EDA: variants seen among roughly 807,000 people sequenced by gnomAD.
The protein encoded by EDA is ectodysplasin-A.
Under a neutral mutation model 23.6 loss-of-function variants are expected in EDA, and 2 were observed. The ratio of observed to expected loss-of-function variants is 0.08; its 90% CI spans 0.03 to 0.27. The LOEUF is 0.27. Ranked by LOEUF, EDA falls within the 10% of genes least tolerant of loss-of-function variation. EDA has a pLI of 1.00. For missense variants in EDA, 229 were observed against 324.2 expected (o/e 0.71, Z 2.26); for synonymous variants, 131 against 132.0 (o/e 0.99, Z 0.05).
intron 1 of EDA, among the ~76,000 whole-genome samples, chrX:69,667,991 C>T (rs918611752): frequency 1.8e-5 from 2 of 112,312 alleles, no homozygotes; most frequent in African/African-American, 6.5e-5. Context: ...ATTACCTAGT[C>T]ATCTCTTGTT....
chrX:69,919,513 G>T (rs147013525), intron 1 of EDA, among the ~76,000 whole-genome samples: 108 of 111,712 alleles, frequency 9.7e-4, no homozygotes, highest in African/African-American at 3.4e-3. Context: ...CAACAGTCTT[G>T]CTTTTTACAT....
At chrX:69,787,690 G>A (rs1187023539) in intron 1 of EDA, among the ~76,000 whole-genome samples, 1 of 111,136 alleles carries the variant, frequency 9.0e-6, no homozygotes, top group Non-Finnish European at 1.9e-5. Flanking sequence ...TCCCTTTGAG[G>A]GTAACCTGAC....
intron 1 of EDA, among the ~76,000 whole-genome samples, chrX:69,786,318 T>C (rs1310678634): frequency 9.3e-5 from 10 of 107,824 alleles, no homozygotes; most frequent in East Asian, 2.9e-4. Flanking sequence ...TTAGTTATTT[T>C]TTGCCTTCTG....
chrX:69,770,820 A>G (rs2014611551), intron 1 of EDA, among the ~76,000 whole-genome samples: 1 of 89,068 alleles, frequency 1.1e-5, no homozygotes, highest in African/African-American at 3.6e-5. Flanking sequence ...CTATTTGCTC[A>G]TATTTTTTTT....
chrX:70,023,065 G>T, intron 2 of EDA, 153 bp from the exon 3 acceptor site: 1 of 348,024 alleles, frequency 2.9e-6, no homozygotes, highest in Non-Finnish European at 5.2e-6. Context: ...GGGGAGGTTT[G>T]ATAGTTGGAT....
chrX:69,825,297 G>T (rs1343505888), intron 1 of EDA, among the ~76,000 whole-genome samples: 3 of 98,788 alleles, frequency 3.0e-5, no homozygotes, highest in Admixed American at 1.1e-4. Context: ...TTGTACCTCT[G>T]GTAGAATTCG....
At chrX:69,836,142 C>T (rs1419456975) in intron 1 of EDA, among the ~76,000 whole-genome samples, 2 of 112,088 alleles carry the variant, frequency 1.8e-5, no homozygotes, top group African/African-American at 6.5e-5. Flanking sequence ...TATGAGGTGT[C>T]TATCAGCACC....
At chrX:69,980,054 T>C (rs1271222141) in intron 2 of EDA, among the ~76,000 whole-genome samples, 1 of 111,694 alleles carries the variant, frequency 9.0e-6, no homozygotes, top group African/African-American at 3.3e-5. Flanking sequence ...ACTGAGATTT[T>C]ATATCAGTCA....
At chrX:69,682,338 G>T (rs991025423) in intron 1 of EDA, among the ~76,000 whole-genome samples, 1 of 112,645 alleles carries the variant, frequency 8.9e-6, no homozygotes. Flanking sequence ...TTGAGCTGTG[G>T]TGGGCTCCAC....
At chrX:70,030,651 C>T in intron 6 of EDA, 131 bp downstream of exon 6, 1 of 601,373 alleles carries the variant, frequency 1.7e-6, no homozygotes, top group Non-Finnish European at 2.7e-6. Flanking sequence ...TCATTCTTTG[C>T]TCCATCATGC....
At chrX:69,731,527 C>T (rs1214448753) in intron 1 of EDA, among the ~76,000 whole-genome samples, 4 of 109,709 alleles carry the variant, frequency 3.6e-5, no homozygotes, top group Admixed American at 2.0e-4. Flanking sequence ...CTGCAACCTC[C>T]GCCTCCCGGG....
At chrX:69,767,235 G>C (rs146260793) in intron 1 of EDA, among the ~76,000 whole-genome samples, 18 of 111,266 alleles carry the variant, frequency 1.6e-4, no homozygotes, top group African/African-American at 5.6e-4. Context: ...TTTTATTGAA[G>C]TATTGACATA....
At chrX:69,834,580 A>G (rs1414818423) in intron 1 of EDA, among the ~76,000 whole-genome samples, 3 of 98,936 alleles carry the variant, frequency 3.0e-5, no homozygotes, top group African/African-American at 1.1e-4. Context: ...ATCTTCCTCC[A>G]TCCCTTTATT....
intron 3 of EDA, among the ~76,000 whole-genome samples, chrX:70,027,642 G>A (rs779518840): frequency 9.0e-6 from 1 of 110,575 alleles, no homozygotes; most frequent in African/African-American, 3.3e-5. Flanking sequence ...GGCCGACATG[G>A]TGAAACCCCG....
At chrX:69,731,528 G>A (rs150509255) in intron 1 of EDA, among the ~76,000 whole-genome samples, 3,246 of 108,673 alleles carry the variant, frequency 0.03, 55 homozygotes, top group Non-Finnish European at 0.048. Context: ...TGCAACCTCC[G>A]CCTCCCGGGT....
At chrX:69,656,773 G>A (rs1203904099) in intron 1 of EDA, among the ~76,000 whole-genome samples, 1 of 111,582 alleles carries the variant, frequency 9.0e-6, no homozygotes, top group African/African-American at 3.3e-5. Flanking sequence ...TCCTGCATTA[G>A]TTTGCTTAGG....
chrX:69,823,791 GTAA>G (rs200116500), intron 1 of EDA, among the ~76,000 whole-genome samples: 17,150 of 89,675 alleles, frequency 0.19, 1,415 homozygotes, highest in East Asian at 0.31. Context: ...GTCCTGAATG[GTAA>G]TGTCTAGGTT....
chrX:69,957,209 T>TGGTA (rs1254717485), intron 2 of EDA, 77 bp downstream of exon 2: 1 of 954,783 alleles, frequency 1.0e-6, no homozygotes. Flanking sequence ...ACTACCTTCT[T>TGGTA]GGTAGGGCAT....
At chrX:69,854,803 A>G (rs1434949679) in intron 1 of EDA, among the ~76,000 whole-genome samples, 2 of 111,966 alleles carry the variant, frequency 1.8e-5, no homozygotes, top group Non-Finnish European at 3.8e-5. Flanking sequence ...AACAATTTAT[A>G]TTCCTTTGGG....
Sources: allele counts gnomAD v4.1 joint callset (sites outside exome capture counted in the v4.1 genomes callset), GRCh38; gene constraint gnomAD v4.1.1; transcripts MANE v1.5; gene names NCBI Gene and HGNC (gene_info 2026-07-23, HGNC 2026-07-21).